Variants in MAST2 observed in about 807,000 individuals in gnomAD.
MAST2 encodes microtubule-associated serine/threonine-protein kinase 2.
MAST2 carries 70 observed loss-of-function variants against 147.4 expected under a neutral mutation model. The ratio of observed to expected loss-of-function variants is 0.47; its 90% CI spans 0.39 to 0.58. The LOEUF (loss-of-function observed/expected upper bound fraction) is 0.58. Ranked by LOEUF, MAST2 falls within the 20% of genes least tolerant of loss-of-function variation. MAST2 has a pLI of 0.00. For synonymous variants in MAST2, 869 were observed against 896.8 expected (o/e 0.97, Z 0.55); for missense variants, 2,080 against 2,302.3 (o/e 0.90, Z 1.98).
chr1:45,843,108 C>T (rs1432201754), intron 3 of MAST2, among the ~76,000 whole-genome samples: 1 of 151,986 alleles, frequency 6.6e-6, no homozygotes, highest in Non-Finnish European at 1.5e-5. Flanking sequence ...AATGTCTATA[C>T]AAGTCCTTTG....
chr1:45,838,355 G>T (rs1302639803), intron 3 of MAST2, among the ~76,000 whole-genome samples: 1 of 151,288 alleles, frequency 6.6e-6, no homozygotes, highest in Non-Finnish European at 1.5e-5. Context: ...GAGTAGCTGG[G>T]ATTACAGGCA....
At chr1:45,965,864 A>G (rs1212003256) in intron 5 of MAST2, among the ~76,000 whole-genome samples, 2 of 152,104 alleles carry the variant, frequency 1.3e-5, no homozygotes, top group Non-Finnish European at 2.9e-5. Flanking sequence ...CATTTGTTAC[A>G]GTTGATGAGC....
At position 45,888,663 on chromosome 1, in the gene MAST2, C is replaced by CTTTTTTT. The variant is rs71587722; in HGVS notation, c.500+6298_500+6304dup. ...AGGCGTGAGCCACCGCGCGCGGCCT[C>CTTTTTTT]TTTTTTTTTTTTTTTTTTTTTTTTT... On this transcript the variant is annotated intron_variant, in intron 4 of 28. Transcript: ENST00000361297. Among the ~76,000 whole-genome samples the CTTTTTTT allele has an allele frequency of 6.8e-4, 33 of 48,726 alleles. 2 individuals are homozygous for CTTTTTTT. The highest frequency in any genetic ancestry group is 1.6e-3 in the African/African-American group (20 of 12,782). 32.0% of individuals were successfully genotyped at this position (48,726 alleles called of 152,430 possible). A position where few individuals can be genotyped will look rare whatever the true frequency, so the allele number is the denominator to read the frequency against.
intron 2 of MAST2, among the ~76,000 whole-genome samples, chr1:45,829,230 T>A (rs1644880706): frequency 6.6e-6 from 1 of 152,226 alleles, no homozygotes; most frequent in African/African-American, 2.4e-5. Context: ...TTAATCCATT[T>A]CAGTGTTCCA....
rs536727465 is a variant in MAST2 at position 46,008,299 on chromosome 1, C to T, written c.906C>T (p.Pro302=). Residue 302 remains proline (P), a synonymous_variant, in exon 9 of 29, where the codon CCC becomes CCT. Coordinates refer to ENST00000361297, the MANE Select transcript of MAST2 (RefSeq NM_015112.3). ...CAATCATTTCTTTCTTTTTTAGTCC[C>T]GGACGATCCCCAGTATCCTTTGACA... The part of the protein sequence containing the change: ...AMRPRSRSLS[P]GRSPVSFDSE... 15 of 1,609,128 alleles carry T rather than the reference C, an allele frequency of 9.3e-6. No individual in the cohort carries two copies. The East Asian group carries it at 2.0e-4, about 22-fold the overall frequency.
intron 4 of MAST2, among the ~76,000 whole-genome samples, chr1:45,906,199 T>C (rs994391136): frequency 1.3e-5 from 2 of 152,216 alleles, no homozygotes; most frequent in African/African-American, 4.8e-5. Context: ...GTCAGATATA[T>C]ATAGTCATGC....
rs779322278 is a variant in MAST2, at chr1:46,017,017, G to A, written c.1189-2579G>A. On this transcript the variant is annotated intron_variant, in intron 10 of 28. Coordinates refer to ENST00000361297, the MANE Select transcript of MAST2 (RefSeq NM_015112.3). The stretch of plus-strand genomic sequence containing the variant: ...ACAGAACAGAGCCCTCAGAAATAAC[G>A]CTGCATATCTACAACTATCTGATCT... 2.4e-3 allele frequency among the ~76,000 whole-genome samples: 369 copies of A among 151,660 alleles called. 2 individuals carry two copies. The highest frequency in any genetic ancestry group is 3.9e-3 in the Non-Finnish European group (267 of 67,840).
Position 45,911,847 on chromosome 1 carries a change from ATT to A in MAST2, c.500+29453_500+29454del, listed in dbSNP as rs1273481067. The stretch of plus-strand genomic sequence containing the variant: ...TGGTTGCTGTTATGTCATTATTATT[ATT>A]GTTATATTATTATTATTATTATTAT... On this transcript the variant is annotated intron_variant, in intron 4 of 28. Coordinates refer to ENST00000361297, the MANE Select transcript of MAST2 (RefSeq NM_015112.3). Among the ~76,000 whole-genome samples, 3 of 139,316 alleles carry A rather than the reference ATT, an allele frequency of 2.2e-5. No homozygotes were observed. In the East Asian group the frequency reaches 6.1e-4, roughly 28 times the overall value. The allele number at this position is 139,316 out of a possible 152,430, so 91.4% of individuals were successfully genotyped here.
chr1:45,888,711 T>A (rs1647216454), intron 4 of MAST2, among the ~76,000 whole-genome samples: 1 of 122,794 alleles, frequency 8.1e-6, no homozygotes, highest in African/African-American at 3.1e-5. Flanking sequence ...AGATGGAGTC[T>A]TGCTCTCTCG....
intron 1 of MAST2, among the ~76,000 whole-genome samples, chr1:45,807,762 G>A (rs1450557057): frequency 3.9e-5 from 6 of 152,026 alleles, no homozygotes; most frequent in African/African-American, 1.2e-4. Flanking sequence ...GGCTGATCTC[G>A]AACTCCTGAC....
At chr1:45,867,409 CAG>C (rs902046811) in intron 3 of MAST2, among the ~76,000 whole-genome samples, 2 of 152,150 alleles carry the variant, frequency 1.3e-5, no homozygotes, top group Admixed American at 1.3e-4. Flanking sequence ...GGTTTTTCCG[CAG>C]AGTTTCTTGG....
At chr1:46,014,198 A>T (rs1645835729) in intron 10 of MAST2, among the ~76,000 whole-genome samples, 1 of 151,724 alleles carries the variant, frequency 6.6e-6, no homozygotes, top group Non-Finnish European at 1.5e-5. Flanking sequence ...ATTATACTTT[A>T]AGTTTTAGGG....
chr1:45,911,868 T>G (rs1487858481), intron 4 of MAST2, among the ~76,000 whole-genome samples: 59 of 97,446 alleles, frequency 6.1e-4, no homozygotes, highest in East Asian at 2.0e-4. Context: ...ATTATTATTA[T>G]TATTATTATT....
Position 45,840,961 on chromosome 1 carries a change from A to C in MAST2, c.468+11380A>C, listed in dbSNP as rs911501761. Among the ~76,000 whole-genome samples the C allele has an allele frequency of 2.6e-5, 4 of 152,154 alleles. No individual in the cohort carries two copies. In the East Asian group the frequency reaches 7.7e-4, roughly 29 times the overall value. ...GATGCTAACTGGTTCATTAATCTCT[A>C]TTTTTTTGAGACAGGGACTTGCTTA... On this transcript the variant is annotated intron_variant, in intron 3 of 28. Transcript: ENST00000361297.
intron 6 of MAST2, among the ~76,000 whole-genome samples, chr1:46,000,379 T>C (rs1379027387): frequency 6.6e-6 from 1 of 152,106 alleles, no homozygotes; most frequent in African/African-American, 2.4e-5. Flanking sequence ...TGGGTGGCTA[T>C]GTAAAGCCTC....
chr1:45,960,208 T>C (rs1038190862), intron 5 of MAST2, among the ~76,000 whole-genome samples: 1 of 152,154 alleles, frequency 6.6e-6, no homozygotes, highest in Non-Finnish European at 1.5e-5. Flanking sequence ...CTCTGAAGAA[T>C]AGATAAAAAT....
chr1:45,908,041 CCTTTT>C (rs1246110838), intron 4 of MAST2, among the ~76,000 whole-genome samples: 8 of 152,032 alleles, frequency 5.3e-5, no homozygotes, highest in East Asian at 3.9e-4. Context: ...TGTTTTCTCT[CCTTTT>C]CTTCTTGATG....
At chr1:45,855,522 G>A (rs1645758956) in intron 3 of MAST2, among the ~76,000 whole-genome samples, 1 of 151,898 alleles carries the variant, frequency 6.6e-6, no homozygotes, top group Non-Finnish European at 1.5e-5. Context: ...AACAGTCTCA[G>A]TCCCTCAGCG....
chr1:45,897,768 C>T (rs781635802), intron 4 of MAST2, among the ~76,000 whole-genome samples: 5 of 150,924 alleles, frequency 3.3e-5, no homozygotes, highest in African/African-American at 4.9e-5. Context: ...ATAATCACGC[C>T]GCTGCACTCC....
Sources: gnomAD v4.1 joint callset for allele counts (sites outside exome capture counted in the v4.1 genomes callset) on GRCh38, gnomAD v4.1.1 for gene constraint, MANE v1.5 for transcripts, NCBI Gene and HGNC (gene_info 2026-07-23, HGNC 2026-07-21) for gene names.